ZNF565: variants seen among roughly 807,000 people sequenced by gnomAD.
The protein encoded by ZNF565 is zinc finger protein 565.
A neutral mutation model predicts 39.4 loss-of-function variants in ZNF565; 27 were observed. That is an observed-to-expected ratio of 0.69 (90% CI 0.51 to 0.95). The LOEUF (loss-of-function observed/expected upper bound fraction) is 0.95, where lower values mean the gene tolerates loss of function less well. ZNF565 is among the 40% of genes least tolerant of loss of function. The pLI, the probability that ZNF565 is intolerant of heterozygous loss-of-function variation, is 0.00. For synonymous variants in ZNF565, 185 were observed against 216.6 expected, an observed-to-expected ratio of 0.85 and a Z score of 1.28; for missense variants, 524 against 621.1, an observed-to-expected ratio of 0.84 and a Z score of 1.66.
intron 1 of ZNF565, among the ~76,000 whole-genome samples, chr19:36,211,105 T>TA (rs1244629996): frequency 1.3e-5 from 2 of 151,190 alleles, no homozygotes; most frequent in Non-Finnish European, 2.9e-5. Flanking sequence ...ATTTAGTAAA[T>TA]AAAAAAATGG....
chr19:36,193,434 C>A (rs1599922485), intron 4 of ZNF565, among the ~76,000 whole-genome samples: 1 of 146,706 alleles, frequency 6.8e-6, no homozygotes, highest in African/African-American at 2.5e-5. Context: ...ATAAGTTTTT[C>A]TTTTTTCTTT....
chr19:36,218,539 C>T (rs945618352), upstream of ZNF565, among the ~76,000 whole-genome samples: 8 of 151,674 alleles, frequency 5.3e-5, no homozygotes, highest in Non-Finnish European at 1.2e-4. Context: ...GATCTCGGCT[C>T]ACTGCAGGCT....
chr19:36,192,176 A>G (rs1975580000), intron 4 of ZNF565, among the ~76,000 whole-genome samples: 2 of 151,860 alleles, frequency 1.3e-5, no homozygotes, highest in Admixed American at 1.3e-4. Flanking sequence ...TTCAGTAGAG[A>G]CGGGGTTTCA....
At chr19:36,234,887 C>A (rs562884812) in intron 1 of ZNF565, among the ~76,000 whole-genome samples, 2 of 152,152 alleles carry the variant, frequency 1.3e-5, no homozygotes, top group Non-Finnish European at 2.9e-5. Context: ...CCTTTGTTCT[C>A]GTGACTGGAC....
chr19:36,230,774 A>C (rs554541785), intron 1 of ZNF565, among the ~76,000 whole-genome samples: 1 of 152,134 alleles, frequency 6.6e-6, no homozygotes, highest in African/African-American at 2.4e-5. Context: ...GATTTGGGAG[A>C]CCCAACAGAG....
At chr19:36,182,217 G>A (rs1315087102), downstream of ZNF565, 2 of 377,014 alleles carry the variant, frequency 5.3e-6, no homozygotes, top group South Asian at 9.9e-5. Context: ...ATTTTGAATG[G>A]CAAGAAGCAG....
At chr19:36,184,838 G>A (rs1233767736) in intron 4 of ZNF565, among the ~76,000 whole-genome samples, 1 of 152,062 alleles carries the variant, frequency 6.6e-6, no homozygotes, top group African/African-American at 2.4e-5. Flanking sequence ...AATTCCAAAG[G>A]CCAGGCGAGG....
intron 4 of ZNF565, among the ~76,000 whole-genome samples, chr19:36,189,744 C>A (rs972712290): frequency 1.3e-5 from 2 of 152,206 alleles, no homozygotes; most frequent in African/African-American, 2.4e-5. Flanking sequence ...GACAAGAACA[C>A]TTTTATGGAA....
chr19:36,182,994 T>G lies in ZNF565; in HGVS notation c.972A>C (p.Val324=). 6.2e-7 allele frequency: 1 copy of G among 1,614,164 alleles called. No individual in the cohort carries two copies. Among genetic ancestry groups the G allele is most frequent in the Non-Finnish European group, 8.5e-7 (1 of 1,180,028 alleles). ...TCTCACCAGTGTGGATTCGCTGGTG[T>G]ACAGTCAGCTGTGAGTGCTGTCTAA... ...KAFRQHSQLT[V]HQRIHTGEKP... The change falls in exon 5 of 5, where the codon GTA becomes GTC. Residue 324 remains valine, a synonymous_variant. Transcript: ENST00000304116.
upstream of ZNF565, among the ~76,000 whole-genome samples, chr19:36,219,274 A>G (rs546378662): frequency 6.6e-6 from 1 of 152,206 alleles, no homozygotes; most frequent in East Asian, 1.9e-4. Flanking sequence ...CTCCCACCTC[A>G]GCCCCACCCC....
chr19:36,182,241 A>T (rs1050307758), downstream of ZNF565: 1 of 381,868 alleles, frequency 2.6e-6, no homozygotes, highest in Non-Finnish European at 4.6e-6. Flanking sequence ...TTCTATATTC[A>T]TTTTTTTTTA....
At position 36,245,581 on chromosome 19, in the gene ZNF565, T is replaced by TAGG; in HGVS notation, c.-54_-52dup. 2 of 702,006 alleles carry TAGG rather than the reference T, an allele frequency of 2.8e-6. No homozygotes were observed. Among genetic ancestry groups the TAGG allele is most frequent in the Non-Finnish European group, 5.2e-6 (2 of 384,626 alleles). 43.5% of individuals were successfully genotyped at this position (702,006 alleles called of 1,614,324 possible). On this transcript the variant is annotated 5_prime_UTR_variant, in exon 1 of 5. Coordinates refer to the ZNF565 transcript ENST00000355114. This position sits in a 1 kb window ranked among gnomAD's most constrained non-coding sequence, Gnocchi z 4.4. ...CATTTCCCAGGGTCCACCGCGGATC[T>TAGG]AGGAGGAGGCTTGAGATGCAGCCTC...
intron 1 of ZNF565, chr19:36,238,078 T>G (rs993133315): frequency 1.2e-5 from 2 of 167,026 alleles, no homozygotes; most frequent in African/African-American, 4.8e-5. Flanking sequence ...TAGCCAAAAA[T>G]TAGAAACAAC....
At chr19:36,192,155 AT>A (rs1365088359) in intron 4 of ZNF565, among the ~76,000 whole-genome samples, 1 of 151,794 alleles carries the variant, frequency 6.6e-6, no homozygotes, top group Non-Finnish European at 1.5e-5. Flanking sequence ...CGCCCAGCTA[AT>A]TTTTATATTT....
intron 1 of ZNF565, among the ~76,000 whole-genome samples, chr19:36,209,398 C>T (rs1324689158): frequency 2.6e-5 from 4 of 151,876 alleles, no homozygotes; most frequent in Non-Finnish European, 4.4e-5. Flanking sequence ...AGGAGGCTGA[C>T]GTGGGAAAAT....
intron 1 of ZNF565, chr19:36,237,027 G>A (rs1977668229): frequency 1.2e-6 from 2 of 1,613,998 alleles, no homozygotes; most frequent in African/African-American, 1.3e-5. Flanking sequence ...TTCTCTCAGC[G>A]AACATCACTT....
At chr19:36,194,592 C>A in intron 3 of ZNF565, 1 of 477,976 alleles carries the variant, frequency 2.1e-6, no homozygotes, top group Non-Finnish European at 3.8e-6. Context: ...AAGGGTAGTC[C>A]TGAATTATGT....
At chr19:36,219,939 G>C (rs1432303430) in intron 1 of ZNF565, among the ~76,000 whole-genome samples, 1 of 150,532 alleles carries the variant, frequency 6.6e-6, no homozygotes, top group Non-Finnish European at 1.5e-5. Flanking sequence ...TTTTCCCCCT[G>C]GCTTTTTCTT....
In ZNF565 at chr19:36,243,286, G is replaced by A. The variant is rs142308249; in HGVS notation, c.55+2190C>T. On this transcript the variant is annotated intron_variant, in intron 1 of 4. Transcript: ENST00000355114. ...TGACTTCAGGTGATCCACCCACCTC[G>A]GCCTTCCAAAGTGTGGGGATTACAA... is the stretch of plus-strand genomic sequence containing the variant. Among the ~76,000 whole-genome samples the A allele has an allele frequency of 7.9e-3, 1,202 of 152,180 alleles. 9 individuals carry two copies. Among genetic ancestry groups the A allele is most frequent in the Middle Eastern group, 0.017 (5 of 294 alleles).
Sources: gnomAD v4.1 joint callset for allele counts (sites outside exome capture counted in the v4.1 genomes callset) on GRCh38, gnomAD v4.1.1 for gene constraint, Gnocchi (gnomAD v3.1) non-coding constraint, MANE v1.5 for transcripts, NCBI Gene and HGNC (gene_info 2026-07-23, HGNC 2026-07-21) for gene names.